The following TMTC1 variants were observed in gnomAD, a reference collection of about 807,000 sequenced individuals.
The protein encoded by TMTC1 is protein O-mannosyl-transferase TMTC1.
A neutral mutation model predicts 104.8 loss-of-function variants in TMTC1; 73 were observed. The ratio of observed to expected loss-of-function variants is 0.70; its 90% CI spans 0.58 to 0.85. TMTC1 has a LOEUF of 0.85. Ranked by LOEUF, TMTC1 falls within the 40% of genes least tolerant of loss-of-function variation. The pLI is 0.00. For missense variants in TMTC1, 1,035 were observed against 1,096.1 expected (o/e 0.94, Z 0.79); for synonymous variants, 434 against 428.7 (o/e 1.01, Z -0.15).
intron 5 of TMTC1, among the ~76,000 whole-genome samples, chr12:29,697,163 C>G (rs1324206569): frequency 2.0e-5 from 3 of 152,144 alleles, no homozygotes; most frequent in Non-Finnish European, 4.4e-5. Context: ...TGAAAAGAAC[C>G]AAGAACACAG....
chr12:29,571,325 T>C (rs1321904905), intron 9 of TMTC1, among the ~76,000 whole-genome samples: 1 of 151,948 alleles, frequency 6.6e-6, no homozygotes, highest in Non-Finnish European at 1.5e-5. Flanking sequence ...CTGGGGTGTT[T>C]CACAGAAAAC....
intron 7 of TMTC1, among the ~76,000 whole-genome samples, chr12:29,597,668 G>T (rs1475759427): frequency 6.6e-6 from 1 of 151,436 alleles, no homozygotes; most frequent in African/African-American, 2.4e-5. Flanking sequence ...AAGTTTAAGA[G>T]GAAAAAAGCA....
In TMTC1 at chr12:29,520,636, C is replaced by T. The variant is rs1944123371; in HGVS notation, c.1870G>A (p.Val624Ile). ...DSSDLHNNYG[V>I]FLVDTGLPEK... ...CACTTACCAGTATCAACTAAGAAAA[C>T]CCCATAGTTGTTGTGTAAATCTGAG... Residue 624 changes from valine (V) to isoleucine (I), a missense_variant, in exon 12 of 18, where the codon GTT (valine) becomes ATT (isoleucine). Transcript: ENST00000539277. 6.2e-7 allele frequency: 1 copy of T among 1,612,696 alleles called. No individual in the cohort carries two copies. The highest frequency in any genetic ancestry group is 8.5e-7 in the Non-Finnish European group (1 of 1,179,246).
intron 10 of TMTC1, among the ~76,000 whole-genome samples, chr12:29,537,027 C>T (rs937232614): frequency 6.6e-6 from 1 of 152,164 alleles, no homozygotes; most frequent in East Asian, 1.9e-4. Flanking sequence ...GTTCTCTTTC[C>T]TGTTAAATCC....
intron 5 of TMTC1, among the ~76,000 whole-genome samples, chr12:29,651,226 G>A (rs770534019): frequency 3.1e-4 from 47 of 152,102 alleles, no homozygotes; most frequent in South Asian, 6.2e-4. Flanking sequence ...AGAATACTGT[G>A]GCTGTATATT....
chr12:29,712,467 A>G (rs1029076683), intron 5 of TMTC1, among the ~76,000 whole-genome samples: 1 of 152,248 alleles, frequency 6.6e-6, no homozygotes, highest in Non-Finnish European at 1.5e-5. Flanking sequence ...GATATCTAAG[A>G]GAAAAGTTTT....
At chr12:29,627,902 T>C (rs896101326) in intron 6 of TMTC1, among the ~76,000 whole-genome samples, 4 of 152,194 alleles carry the variant, frequency 2.6e-5, no homozygotes, top group Non-Finnish European at 5.9e-5. Flanking sequence ...GAAAATGCAA[T>C]TCCCATGTGA....
At chr12:29,779,027 A>T (rs1166896865) in intron 1 of TMTC1, among the ~76,000 whole-genome samples, 1 of 152,204 alleles carries the variant, frequency 6.6e-6, no homozygotes, top group Non-Finnish European at 1.5e-5. Context: ...TCCAACTTTA[A>T]CAATGCAAGA....
At chr12:29,578,263 C>T (rs926644758) in intron 8 of TMTC1, among the ~76,000 whole-genome samples, 1 of 151,904 alleles carries the variant, frequency 6.6e-6, no homozygotes, top group Admixed American at 6.6e-5. Context: ...TTGGTTTTGA[C>T]CTTTATGTTC....
intron 9 of TMTC1, among the ~76,000 whole-genome samples, chr12:29,570,864 A>ACAAAG (rs1945649362): frequency 2.0e-5 from 2 of 102,332 alleles, no homozygotes; most frequent in African/African-American, 6.6e-5. Flanking sequence ...ACAAAACAAA[A>ACAAAG]CAAAAAAAAC....
intron 5 of TMTC1, among the ~76,000 whole-genome samples, chr12:29,694,815 C>T (rs1198477929): frequency 3.3e-5 from 5 of 152,132 alleles, no homozygotes; most frequent in Non-Finnish European, 7.3e-5. Flanking sequence ...TGGTGGGTGC[C>T]TGTAATCCCA....
chr12:29,605,571 T>TAAAAAAA (rs34353381), intron 6 of TMTC1, among the ~76,000 whole-genome samples: 2 of 101,884 alleles, frequency 2.0e-5, no homozygotes, highest in East Asian at 2.8e-4. Flanking sequence ...CCAAAAAGGG[T>TAAAAAAA]AAAAAAAAAA....
rs768530706 is a variant in TMTC1, at chr12:29,767,881, G to C, written c.480+17C>G. ...ACATTCATATTCGTTATTTCACTGA[G>C]ATCCAATTACACTTACCGCCTCAGT... is the stretch of plus-strand genomic sequence containing the variant. On this transcript the variant is annotated intron_variant, in intron 2 of 17. Coordinates refer to ENST00000539277, the MANE Select transcript of TMTC1 (RefSeq NM_001193451.2). 12 of 1,611,814 alleles carry C rather than the reference G, an allele frequency of 7.4e-6. No homozygotes were observed. The highest frequency in any genetic ancestry group is 1.7e-5 in the Admixed American group (1 of 59,864).
intron 6 of TMTC1, among the ~76,000 whole-genome samples, chr12:29,627,265 A>G (rs1255540460): frequency 2.0e-5 from 3 of 152,174 alleles, no homozygotes. Context: ...CTCAACAACA[A>G]AAAAGACAAT....
intron 1 of TMTC1, among the ~76,000 whole-genome samples, chr12:29,777,785 A>G (rs912262390): frequency 2.0e-5 from 3 of 152,192 alleles, no homozygotes; most frequent in Non-Finnish European, 4.4e-5. Context: ...TGAACATCCT[A>G]GACAATCTAG....
rs181986876 is a variant in TMTC1, at chr12:29,560,902, C to G, written c.1533-3902G>C. ...CTAAGCAAAAAATAGAAGGCGGGAA[C>G]AAAAGAAAATGAGTTCCAGAGGACC... On this transcript the variant is annotated intron_variant, in intron 9 of 17. Coordinates refer to ENST00000539277, the MANE Select transcript of TMTC1 (RefSeq NM_001193451.2). Among the ~76,000 whole-genome samples, 53 of 152,126 alleles carry G rather than the reference C, an allele frequency of 3.5e-4. No individual in the cohort carries two copies. In the East Asian group the frequency reaches 7.9e-3, roughly 23 times the overall value.
At chr12:29,678,672 C>T (rs77904030) in intron 5 of TMTC1, among the ~76,000 whole-genome samples, 2,651 of 152,014 alleles carry the variant, frequency 0.017, 73 homozygotes, top group African/African-American at 0.061. Flanking sequence ...AGTGGAGATG[C>T]CAATAGTAAT....
chr12:29,746,054 A>G (rs1942948630), intron 5 of TMTC1, among the ~76,000 whole-genome samples: 8 of 152,222 alleles, frequency 5.3e-5, no homozygotes. Context: ...CTTTAAAGTA[A>G]GATATTGGTT....
At position 29,540,683 on chromosome 12, in the gene TMTC1, TAA is replaced by T. The variant is rs35884497; in HGVS notation, c.1677-4368_1677-4367del. Among the ~76,000 whole-genome samples, 408 of 151,346 alleles carry T rather than the reference TAA, an allele frequency of 2.7e-3. 2 individuals are homozygous for T. Among genetic ancestry groups the T allele is most frequent in the Admixed American group, 8.5e-3 (129 of 15,204 alleles). On this transcript the variant is annotated intron_variant, in intron 10 of 17. Coordinates refer to ENST00000539277, the MANE Select transcript of TMTC1 (RefSeq NM_001193451.2). ...AAATTCAATAATTGCTGCATTCGTTTAAAAAAAAAAAATCACCGTAGTTTTGG... is the reference window on the plus strand; with the variant it reads ...AAATTCAATAATTGCTGCATTCGTTTAAAAAAAAAATCACCGTAGTTTTGG...
Sources: gnomAD v4.1 joint callset for allele counts (sites outside exome capture counted in the v4.1 genomes callset) on GRCh38, gnomAD v4.1.1 for gene constraint, MANE v1.5 for transcripts, NCBI Gene and HGNC (gene_info 2026-07-23, HGNC 2026-07-21) for gene names.